KCNQ1: variants seen among roughly 807,000 people sequenced by gnomAD.
The protein encoded by KCNQ1 is potassium voltage-gated channel subfamily KQT member 1.
Under a neutral mutation model 72.4 loss-of-function variants are expected in KCNQ1, and 49 were observed. That is an observed-to-expected ratio of 0.68 (90% CI 0.54 to 0.86). The LOEUF (loss-of-function observed/expected upper bound fraction) is 0.86. Ranked by LOEUF, KCNQ1 falls within the 40% of genes least tolerant of loss-of-function variation. KCNQ1 has a pLI of 0.00. For synonymous variants in KCNQ1, 450 were observed against 412.6 expected (o/e 1.09, Z -1.10); for missense variants, 790 against 945.1 (o/e 0.84, Z 2.15).
Position 2,613,973 on chromosome 11 carries a change from A to T in KCNQ1, c.1393+25119A>T, listed in dbSNP as rs1017223338. 5.0e-6 allele frequency: 2 copies of T among 398,496 alleles called. No homozygotes were observed. Among genetic ancestry groups the T allele is most frequent in the African/African-American group, 2.1e-5 (1 of 48,630 alleles). 24.7% of individuals were successfully genotyped at this position (398,496 alleles called of 1,614,324 possible). Reference sequence around the variant, plus strand: ...TAACAACATCTCCTAGAAATCACTCAACATCCATTCACAGAGATCTTTCTC... The same window carrying T: ...TAACAACATCTCCTAGAAATCACTCTACATCCATTCACAGAGATCTTTCTC... On this transcript the variant is annotated intron_variant, in intron 10 of 15. Coordinates refer to ENST00000155840, the MANE Select transcript of KCNQ1 (RefSeq NM_000218.3). This position sits in a 1 kb window ranked among gnomAD's most constrained non-coding sequence, Gnocchi z 4.8.
At chr11:2,689,278 GAT>G (rs1355632127) in intron 11 of KCNQ1, 11 of 398,568 alleles carry the variant, frequency 2.8e-5, no homozygotes. Flanking sequence ...CCTTTGCACA[GAT>G]ATCTCCCACT....
intron 2 of KCNQ1, among the ~76,000 whole-genome samples, chr11:2,531,180 GGC>G (rs1191016746): frequency 4.9e-5 from 7 of 142,334 alleles, no homozygotes; most frequent in African/African-American, 1.7e-4. Context: ...ACGTGCCCTG[GGC>G]TCCACATGCC....
chr11:2,741,430 C>T (rs1032131607), intron 11 of KCNQ1, among the ~76,000 whole-genome samples: 3 of 152,298 alleles, frequency 2.0e-5, no homozygotes, highest in African/African-American at 7.2e-5. Flanking sequence ...TGTGCCCCCT[C>T]GGGGCTGCAC....
intron 10 of KCNQ1, chr11:2,640,522 G>A (rs1022912310): frequency 7.6e-6 from 3 of 397,200 alleles, no homozygotes; most frequent in Non-Finnish European, 1.3e-5. Flanking sequence ...CTGGGCTCAA[G>A]CGATCCTTCT....
intron 1 of KCNQ1, among the ~76,000 whole-genome samples, chr11:2,452,696 ATAT>A (rs781693589): frequency 6.6e-6 from 1 of 152,256 alleles, no homozygotes; most frequent in Non-Finnish European, 1.5e-5. Flanking sequence ...GATGGCTCAA[ATAT>A]TATAAAACAT....
intron 15 of KCNQ1, among the ~76,000 whole-genome samples, chr11:2,823,657 C>A (rs183257102): frequency 6.6e-6 from 1 of 152,304 alleles, no homozygotes; most frequent in Non-Finnish European, 1.5e-5. Flanking sequence ...ATAGGTGGGA[C>A]TGGGAAGAAA....
At chr11:2,629,274 T>C (rs138291368) in intron 10 of KCNQ1, 48 of 398,428 alleles carry the variant, frequency 1.2e-4, no homozygotes, top group Middle Eastern at 1.3e-3. Context: ...TTGTTCAATG[T>C]TTCATAGTTT....
chr11:2,795,666 G>A (rs986638965), intron 15 of KCNQ1, among the ~76,000 whole-genome samples: 14 of 152,188 alleles, frequency 9.2e-5, no homozygotes, highest in African/African-American at 2.7e-4. Flanking sequence ...CTGGCTTTCC[G>A]TTGCCATGGT....
At chr11:2,699,202 C>T (rs972833803) in intron 11 of KCNQ1, 8 of 398,660 alleles carry the variant, frequency 2.0e-5, no homozygotes, top group South Asian at 1.3e-4. Flanking sequence ...CCTTGGGACG[C>T]GGCCAGGAAC....
intron 10 of KCNQ1, chr11:2,622,769 G>A (rs1027827525): frequency 7.5e-6 from 3 of 398,452 alleles, no homozygotes; most frequent in African/African-American, 2.1e-5. Flanking sequence ...TGAGAGGTAA[G>A]TACAGAGATT....
chr11:2,790,740 C>T (rs543106553), intron 15 of KCNQ1, among the ~76,000 whole-genome samples: 4 of 152,332 alleles, frequency 2.6e-5, no homozygotes, highest in Admixed American at 6.5e-5. Context: ...GGCCCTGTGG[C>T]GTGGGCAGTG....
chr11:2,537,338 A>G lies in KCNQ1; in HGVS notation c.477+9320A>G, dbSNP rs1589937178. ...ATTTCTACTACCTGACCTTCCAGGA[A>G]AGGTTTGCCACGCTATTTATTTAGC... On this transcript the variant is annotated intron_variant, in intron 2 of 15. Transcript: ENST00000155840. This position sits in a 1 kb window ranked among gnomAD's most constrained non-coding sequence, Gnocchi z 5.2. Among the ~76,000 whole-genome samples, 1 of 152,128 alleles carries G rather than the reference A, an allele frequency of 6.6e-6. No homozygotes were observed. Among genetic ancestry groups the G allele is most frequent in the Non-Finnish European group, 1.5e-5 (1 of 68,046 alleles).
intron 10 of KCNQ1, chr11:2,631,481 G>T (rs1849352257): frequency 5.1e-6 from 2 of 393,626 alleles, no homozygotes; most frequent in South Asian, 1.3e-4. Context: ...GTGTATTAAT[G>T]ATTTCATTAG....
At chr11:2,740,538 C>T (rs748391811) in intron 11 of KCNQ1, among the ~76,000 whole-genome samples, 2 of 152,170 alleles carry the variant, frequency 1.3e-5, no homozygotes, top group Admixed American at 1.3e-4. Context: ...GCGGGTGGAC[C>T]CAGGCCTCCT....
intron 10 of KCNQ1, chr11:2,619,044 A>G: frequency 5.0e-6 from 2 of 398,380 alleles, no homozygotes; most frequent in Non-Finnish European, 8.8e-6. Flanking sequence ...ACTTTACTGA[A>G]CTCATTTATT....
chr11:2,718,548 A>G (rs1851139606), intron 11 of KCNQ1, among the ~76,000 whole-genome samples: 2 of 152,202 alleles, frequency 1.3e-5, no homozygotes, highest in Admixed American at 6.5e-5. Context: ...GTCATGGAGG[A>G]TAGTTCGGGC....
chr11:2,569,808 C>A (rs564808652), intron 2 of KCNQ1, among the ~76,000 whole-genome samples: 1 of 152,240 alleles, frequency 6.6e-6, no homozygotes, highest in African/African-American at 2.4e-5. Flanking sequence ...GGCCCTGCTG[C>A]ATCCACACTA....
intron 11 of KCNQ1, among the ~76,000 whole-genome samples, chr11:2,747,988 C>T (rs1475331477): frequency 1.3e-5 from 2 of 152,172 alleles, no homozygotes; most frequent in African/African-American, 2.4e-5. Flanking sequence ...GCTGCTTCCA[C>T]CACCAGCAGA....
chr11:2,638,900 G>A (rs536009354), intron 10 of KCNQ1: 22 of 152,264 alleles, frequency 1.4e-4, no homozygotes, highest in African/African-American at 5.1e-4. Context: ...TTTCTTGGAG[G>A]CTTTGTTCGT....
Sources: allele counts gnomAD v4.1 joint callset (sites outside exome capture counted in the v4.1 genomes callset), GRCh38; gene constraint gnomAD v4.1.1; non-coding constraint Gnocchi (gnomAD v3.1); transcripts MANE v1.5; gene names NCBI Gene and HGNC (gene_info 2026-07-23, HGNC 2026-07-21).